MYOF: variants seen among roughly 807,000 people sequenced by gnomAD.
The protein encoded by MYOF is fer-1-like 3, myoferlin.
MYOF carries 244 observed loss-of-function variants against 284.2 expected under a neutral mutation model. The ratio of observed to expected loss-of-function variants is 0.86; its 90% CI spans 0.77 to 0.95. The LOEUF (loss-of-function observed/expected upper bound fraction) is 0.95. MYOF is among the 40% of genes least tolerant of loss of function. The pLI, the probability that MYOF is intolerant of heterozygous loss-of-function variation, is 0.00. For synonymous variants in MYOF, 904 were observed against 919.7 expected (o/e 0.98, Z 0.31); for missense variants, 2,496 against 2,560.6 (o/e 0.97, Z 0.54).
chr10:93,368,949 A>G (rs1845449753), intron 25 of MYOF, among the ~76,000 whole-genome samples: 1 of 152,204 alleles, frequency 6.6e-6, no homozygotes, highest in Non-Finnish European at 1.5e-5. Context: ...TGAGTTAAAA[A>G]TAGCATAAAA....
At position 93,402,231 on chromosome 10, in the gene MYOF, C is replaced by T; in HGVS notation, c.990+1G>A. On this transcript the variant is annotated splice_donor_variant, in intron 11 of 53. Transcript: ENST00000359263. LOFTEE classifies it high-confidence loss of function. ...AGAAAGTAGAGAATGTAGGGACTCA[C>T]AGGAGGCTCATCTCCGGTTCCCAGG... The T allele has an allele frequency of 1.2e-6, 2 of 1,612,656 alleles. No individual in the cohort carries two copies. Among genetic ancestry groups the T allele is most frequent in the Non-Finnish European group, 1.7e-6 (2 of 1,178,736 alleles).
chr10:93,376,472 T>C (rs775459106), intron 22 of MYOF, among the ~76,000 whole-genome samples: 1 of 151,920 alleles, frequency 6.6e-6, no homozygotes, highest in Non-Finnish European at 1.5e-5. Flanking sequence ...AAGGACATGA[T>C]CCCTTAGGAC....
chr10:93,429,860 T>A (rs900154434), intron 4 of MYOF, among the ~76,000 whole-genome samples: 5 of 151,906 alleles, frequency 3.3e-5, no homozygotes, highest in Non-Finnish European at 7.4e-5. Flanking sequence ...CTTGAGTCAT[T>A]TTTTTTTAAA....
intron 5 of MYOF, among the ~76,000 whole-genome samples, chr10:93,422,657 A>AT (rs1185443068): frequency 6.6e-6 from 1 of 152,132 alleles, no homozygotes; most frequent in East Asian, 1.9e-4. Context: ...TTAGCCGGGC[A>AT]TAGTGGTGCA....
intron 27 of MYOF, 126 bp from the exon 28 acceptor site, chr10:93,361,683 A>T (rs2133929538): frequency 1.3e-6 from 1 of 747,834 alleles, no homozygotes; most frequent in East Asian, 2.6e-5. Flanking sequence ...CATCTTAGAG[A>T]TCCATTTCAC....
chr10:93,444,888 C>G (rs749295421), intron 3 of MYOF, among the ~76,000 whole-genome samples: 1 of 152,198 alleles, frequency 6.6e-6, no homozygotes, highest in Admixed American at 6.5e-5. Flanking sequence ...CCAGCCTCCA[C>G]CCCTCTGAGG....
At chr10:93,387,164 A>C (rs993609667) in intron 19 of MYOF, among the ~76,000 whole-genome samples, 9 of 152,210 alleles carry the variant, frequency 5.9e-5, no homozygotes, top group African/African-American at 1.9e-4. Flanking sequence ...AAAGTGGTGA[A>C]ATCAGGGCAG....
chr10:93,369,235 T>C (rs906432532), intron 25 of MYOF, among the ~76,000 whole-genome samples: 2 of 137,482 alleles, frequency 1.5e-5, no homozygotes, highest in Admixed American at 7.6e-5. Flanking sequence ...TCTGAACATC[T>C]CAAGTGTCCC....
intron 3 of MYOF, among the ~76,000 whole-genome samples, chr10:93,447,801 G>A (rs2056476237): frequency 6.6e-6 from 1 of 152,094 alleles, no homozygotes; most frequent in Non-Finnish European, 1.5e-5. Flanking sequence ...GTGGGGGGCT[G>A]ACCTCTCCCC....
chr10:93,333,928 C>G lies in MYOF; in HGVS notation c.4564-15G>C. Reference sequence around the variant, plus strand: ...CGAAAGGAGCCCTAAAAGAGAGAGACAGAAGGACTCACAGGGCCCTGGGTG... The same window carrying G: ...CGAAAGGAGCCCTAAAAGAGAGAGAGAGAAGGACTCACAGGGCCCTGGGTG... On this transcript the variant is annotated splice_polypyrimidine_tract_variant and intron_variant, in intron 41 of 53. Transcript: ENST00000359263. 1 of 1,611,846 alleles carries G rather than the reference C, an allele frequency of 6.2e-7. No homozygotes were observed. Among genetic ancestry groups the G allele is most frequent in the Non-Finnish European group, 8.5e-7 (1 of 1,179,026 alleles).
chr10:93,318,778 C>T (rs1410594837), intron 49 of MYOF, among the ~76,000 whole-genome samples: 2 of 152,032 alleles, frequency 1.3e-5, no homozygotes, highest in African/African-American at 2.4e-5. Flanking sequence ...AAAAATAGTG[C>T]TTACTACAGC....
chr10:93,308,138 G>C (rs1187351923), intron 53 of MYOF, among the ~76,000 whole-genome samples: 2 of 151,228 alleles, frequency 1.3e-5, no homozygotes, highest in Non-Finnish European at 2.9e-5. Context: ...AGCTACTTGG[G>C]AGGCTGAGGC....
intron 5 of MYOF, among the ~76,000 whole-genome samples, chr10:93,420,222 A>G (rs755579057): frequency 6.6e-6 from 1 of 152,238 alleles, no homozygotes; most frequent in Non-Finnish European, 1.5e-5. Context: ...GTTTGGACAG[A>G]GCGCAAATTT....
intron 5 of MYOF, 48 bp from the exon 6 acceptor site, chr10:93,409,787 A>C (rs758407622): frequency 1.5e-5 from 24 of 1,597,430 alleles, no homozygotes; most frequent in South Asian, 1.5e-4. Context: ...TTATCCTGTA[A>C]ATGTCCAAAG....
At chr10:93,341,554 G>T (rs113675660) in intron 38 of MYOF, among the ~76,000 whole-genome samples, 2,366 of 152,296 alleles carry the variant, frequency 0.016, 58 homozygotes, top group African/African-American at 0.054. Context: ...TGGGATTACA[G>T]GCGTAAGCCA....
chr10:93,442,586 A>T (rs574119178), intron 3 of MYOF, among the ~76,000 whole-genome samples: 18 of 152,162 alleles, frequency 1.2e-4, no homozygotes, highest in South Asian at 4.1e-4. Flanking sequence ...GGCAAAACAG[A>T]TGCCTTGCTT....
chr10:93,377,573 G>A (rs1222684040), intron 21 of MYOF, 144 bp from the exon 22 acceptor site: 3 of 632,334 alleles, frequency 4.7e-6, no homozygotes, highest in Non-Finnish European at 8.2e-6. Flanking sequence ...AGATAGGAGA[G>A]GGAACCCTAA....
chr10:93,408,945 A>G (rs774947778), intron 6 of MYOF, 30 bp from the exon 7 acceptor site: 104 of 1,612,888 alleles, frequency 6.4e-5, no homozygotes, highest in Non-Finnish European at 8.1e-5. Flanking sequence ...TGGTTACCCA[A>G]CCTTTCCCAG....
chr10:93,461,724 C>T lies in MYOF; in HGVS notation c.89-4787G>A, dbSNP rs937262528. 2.0e-5 allele frequency among the ~76,000 whole-genome samples: 3 copies of T among 152,136 alleles called. No individual in the cohort carries two copies. The South Asian group carries it at 6.2e-4, about 31-fold the overall frequency. ...TAGAACTGGGTAGGGGGCAAACGGG[C>T]TTTGTGGGAAGGTTATGGTCTCACT... is the stretch of plus-strand genomic sequence containing the variant. On this transcript the variant is annotated intron_variant, in intron 1 of 53. Coordinates refer to ENST00000359263, the MANE Select transcript of MYOF (RefSeq NM_013451.4).
Sources: gnomAD v4.1 joint callset for allele counts (sites outside exome capture counted in the v4.1 genomes callset) on GRCh38, gnomAD v4.1.1 for gene constraint, MANE v1.5 for transcripts, NCBI Gene and HGNC (gene_info 2026-07-23, HGNC 2026-07-21) for gene names.